The following UNC5D variants were observed in gnomAD, a reference collection of about 807,000 sequenced individuals.
UNC5D encodes unc-5 netrin receptor D.
Under a neutral mutation model 105.4 loss-of-function variants are expected in UNC5D, and 39 were observed. That is an observed-to-expected ratio of 0.37 (90% confidence interval 0.29 to 0.48). UNC5D has a LOEUF of 0.48. UNC5D is among the 20% of genes least tolerant of loss of function. The pLI is 0.98. For missense variants in UNC5D, 991 were observed against 1,202.4 expected (o/e 0.82, Z 2.60); for synonymous variants, 452 against 450.4 (o/e 1.00, Z -0.04).
At chr8:35,585,682 C>G (rs2589343) in intron 3 of UNC5D, among the ~76,000 whole-genome samples, 13,864 of 151,812 alleles carry the variant, frequency 0.091, 658 homozygotes, top group Middle Eastern at 0.11. Flanking sequence ...TTGTAATTCA[C>G]TAAACTTTGA....
intron 2 of UNC5D, among the ~76,000 whole-genome samples, chr8:35,550,482 T>C (rs2579894): frequency 0.23 from 34,838 of 152,056 alleles, 4,325 homozygotes; most frequent in African/African-American, 0.33. Flanking sequence ...TATCCGATTT[T>C]TGAATAAGTC....
Position 35,617,556 on chromosome 8 carries a change from C to T in UNC5D, c.570+21899C>T, listed in dbSNP as rs149929524. Among the ~76,000 whole-genome samples the T allele has an allele frequency of 3.8e-3, 581 of 152,300 alleles. 9 individuals carry two copies. The highest frequency in any genetic ancestry group is 0.012 in the African/African-American group (483 of 41,562). ...AAAATCCTACGGAGCTGTGATCTTCCCTCAGAGCTACCTTAGATTCAGCAC... is the reference window on the plus strand; with the variant it reads ...AAAATCCTACGGAGCTGTGATCTTCTCTCAGAGCTACCTTAGATTCAGCAC... On this transcript the variant is annotated intron_variant, in intron 4 of 16. Transcript: ENST00000404895.
At chr8:35,684,985 C>T (rs1336544716) in intron 6 of UNC5D, among the ~76,000 whole-genome samples, 1 of 152,174 alleles carries the variant, frequency 6.6e-6, no homozygotes, top group Non-Finnish European at 1.5e-5. Flanking sequence ...GAACATTCAT[C>T]GTCAATAAGC....
intron 1 of UNC5D, among the ~76,000 whole-genome samples, chr8:35,522,139 G>A (rs1813529349): frequency 6.6e-6 from 1 of 152,060 alleles, no homozygotes. Flanking sequence ...TAAAATATCT[G>A]GTGATTCTAA....
At chr8:35,334,799 C>A (rs539574230) in intron 1 of UNC5D, among the ~76,000 whole-genome samples, 3 of 152,250 alleles carry the variant, frequency 2.0e-5, no homozygotes, top group East Asian at 3.9e-4. Flanking sequence ...CAGGCATGAG[C>A]CACCACACCT....
At chr8:35,731,308 G>A (rs113181377) in intron 11 of UNC5D, among the ~76,000 whole-genome samples, 114 of 149,382 alleles carry the variant, frequency 7.6e-4, no homozygotes, top group African/African-American at 2.7e-3. Context: ...GGCTGAGGCT[G>A]GAGAATCGCT....
At chr8:35,436,143 G>A (rs1002394719) in intron 1 of UNC5D, among the ~76,000 whole-genome samples, 3 of 151,906 alleles carry the variant, frequency 2.0e-5, no homozygotes, top group Non-Finnish European at 4.4e-5. Context: ...GATTGTAAGT[G>A]GGACCTTAGT....
chr8:35,650,558 C>T (rs1270819480), intron 4 of UNC5D, among the ~76,000 whole-genome samples: 1 of 152,228 alleles, frequency 6.6e-6, no homozygotes, highest in East Asian at 1.9e-4. Context: ...ACATTTGCCT[C>T]CTGAGTTCAA....
intron 1 of UNC5D, among the ~76,000 whole-genome samples, chr8:35,459,598 T>G (rs1293208563): frequency 6.6e-6 from 1 of 152,140 alleles, no homozygotes; most frequent in Non-Finnish European, 1.5e-5. Context: ...ATTAAGAAGA[T>G]TCATAGCCTC....
chr8:35,781,142 C>A (rs1802484428), intron 16 of UNC5D, among the ~76,000 whole-genome samples: 1 of 152,016 alleles, frequency 6.6e-6, no homozygotes, highest in Admixed American at 6.6e-5. Flanking sequence ...ATTTAAAAAG[C>A]CCTTGCAGTG....
chr8:35,688,845 C>T (rs1159453293), intron 7 of UNC5D, among the ~76,000 whole-genome samples: 1 of 152,212 alleles, frequency 6.6e-6, no homozygotes, highest in Non-Finnish European at 1.5e-5. Context: ...AGGACGAGTT[C>T]ATTTAATAAG....
At position 35,796,360 on chromosome 8, in the gene UNC5D, T is replaced by C. The variant is rs1321309373; in HGVS notation, c.*5797T>C. On this transcript the variant is annotated 3_prime_UTR_variant, in exon 17 of 17. Coordinates refer to ENST00000404895, the MANE Select transcript of UNC5D (RefSeq NM_080872.4). Reference sequence around the variant, plus strand: ...TAAATATATATACATATATATTTGGTAATGCCAAACAGCTCTGTTATATTG... The same window carrying C: ...TAAATATATATACATATATATTTGGCAATGCCAAACAGCTCTGTTATATTG... 2 of 142,492 alleles carry C rather than the reference T, an allele frequency of 1.4e-5. No homozygotes were observed. The highest frequency in any genetic ancestry group is 2.7e-5 in the African/African-American group (1 of 37,076). The allele number at this position is 142,492 out of a possible 1,614,324, so 8.8% of individuals were successfully genotyped here.
At chr8:35,416,292 C>A (rs1563396741) in intron 1 of UNC5D, among the ~76,000 whole-genome samples, 1 of 151,864 alleles carries the variant, frequency 6.6e-6, no homozygotes, top group Non-Finnish European at 1.5e-5. Flanking sequence ...AAAAGGAGAA[C>A]CGGATTTCAG....
At chr8:35,369,454 T>TGAAGAAA (rs149451832) in intron 1 of UNC5D, among the ~76,000 whole-genome samples, 2,221 of 152,296 alleles carry the variant, frequency 0.015, 58 homozygotes, top group African/African-American at 0.052. Context: ...GGAAGATTTA[T>TGAAGAAA]GAAGAAAGGT....
intron 2 of UNC5D, among the ~76,000 whole-genome samples, chr8:35,555,451 T>C (rs1816472483): frequency 6.6e-6 from 1 of 152,198 alleles, no homozygotes; most frequent in South Asian, 2.1e-4. Flanking sequence ...ATGTCTGATA[T>C]CGACCATACA....
At chr8:35,446,379 CA>C (rs1252243382) in intron 1 of UNC5D, among the ~76,000 whole-genome samples, 1 of 151,934 alleles carries the variant, frequency 6.6e-6, no homozygotes, top group African/African-American at 2.4e-5. Context: ...GAAGAAAATT[CA>C]CTTACATTTT....
rs1563758463 is a variant in UNC5D at position 35,781,088 on chromosome 8, G to GT, written c.2657+6618dup. ...AAAAATACAATGAAGCCCATATCAG[G>GT]TTTTTTTGGTTCTGGTCCAGTGTGG... On this transcript the variant is annotated intron_variant, in intron 16 of 16. Transcript: ENST00000404895. Among the ~76,000 whole-genome samples the GT allele has an allele frequency of 2.6e-5, 4 of 152,154 alleles. No individual in the cohort carries two copies. The South Asian group carries it at 8.3e-4, about 32-fold the overall frequency.
At chr8:35,579,660 AC>A (rs1304675308) in intron 3 of UNC5D, among the ~76,000 whole-genome samples, 2 of 152,192 alleles carry the variant, frequency 1.3e-5, no homozygotes, top group African/African-American at 2.4e-5. Context: ...AGCAAGCAAC[AC>A]AGTACTTGTA....
At chr8:35,597,003 A>G in intron 4 of UNC5D, among the ~76,000 whole-genome samples, 1 of 152,282 alleles carries the variant, frequency 6.6e-6, no homozygotes, top group East Asian at 1.9e-4. Flanking sequence ...CAGTGTTTAG[A>G]GCTATTGTTT....
Sources: gnomAD v4.1 joint callset for allele counts (sites outside exome capture counted in the v4.1 genomes callset) on GRCh38, gnomAD v4.1.1 for gene constraint, MANE v1.5 for transcripts, NCBI Gene and HGNC (gene_info 2026-07-23, HGNC 2026-07-21) for gene names.